The following ADAMTSL3 variants were observed in gnomAD, a reference collection of about 807,000 sequenced individuals.
ADAMTSL3 encodes ADAMTS-like protein 3.
A neutral mutation model predicts 201.7 loss-of-function variants in ADAMTSL3; 128 were observed. The observed-to-expected ratio is 0.63, with a 90% CI of 0.55 to 0.73. The LOEUF is 0.73. ADAMTSL3 is among the 30% of genes least tolerant of loss of function. The pLI is 0.00. For synonymous variants in ADAMTSL3, 738 were observed against 748.4 expected, an observed-to-expected ratio of 0.99 and a Z score of 0.23; for missense variants, 1,990 against 2,119.6, an observed-to-expected ratio of 0.94 and a Z score of 1.20.
intron 17 of ADAMTSL3, among the ~76,000 whole-genome samples, chr15:83,926,318 C>T (rs1488920923): frequency 2.0e-5 from 3 of 152,098 alleles, no homozygotes; most frequent in Non-Finnish European, 4.4e-5. Context: ...TAGGAATGGG[C>T]AAGGGCCACG....
chr15:84,004,447 T>C (rs1163515223), intron 23 of ADAMTSL3, among the ~76,000 whole-genome samples: 1 of 152,130 alleles, frequency 6.6e-6, no homozygotes, highest in Non-Finnish European at 1.5e-5. Flanking sequence ...AATGAGAGAC[T>C]CTTCCTCAGG....
chr15:83,824,080 G>T (rs1042550888), intron 6 of ADAMTSL3, among the ~76,000 whole-genome samples: 2 of 144,222 alleles, frequency 1.4e-5, no homozygotes, highest in East Asian at 4.1e-4. Flanking sequence ...GGTCTCATCT[G>T]TCACCCAGGT....
At chr15:83,971,687 G>C (rs901718908) in intron 20 of ADAMTSL3, among the ~76,000 whole-genome samples, 1 of 151,376 alleles carries the variant, frequency 6.6e-6, no homozygotes. Flanking sequence ...AGGAGGTTGG[G>C]AAGGGAGGTA....
intron 15 of ADAMTSL3, among the ~76,000 whole-genome samples, chr15:83,910,883 G>T (rs1346455417): frequency 6.7e-6 from 1 of 149,554 alleles, no homozygotes; most frequent in Non-Finnish European, 1.5e-5. Flanking sequence ...CAGGTGATTC[G>T]CCCGCCTCAG....
chr15:83,846,351 G>T (rs761125354), intron 7 of ADAMTSL3, among the ~76,000 whole-genome samples: 12 of 152,202 alleles, frequency 7.9e-5, no homozygotes, highest in Non-Finnish European at 1.5e-4. Context: ...CTTGGTCAAG[G>T]TCTCACAACT....
intron 4 of ADAMTSL3, among the ~76,000 whole-genome samples, chr15:83,785,848 CT>C (rs1729180968): frequency 6.6e-6 from 1 of 150,778 alleles, no homozygotes; most frequent in African/African-American, 2.4e-5. Context: ...GTCATATGAA[CT>C]TTTTTTCTTT....
At chr15:83,683,628 G>A (rs962320705) in intron 2 of ADAMTSL3, among the ~76,000 whole-genome samples, 5 of 152,134 alleles carry the variant, frequency 3.3e-5, no homozygotes, top group Non-Finnish European at 7.3e-5. Context: ...AGAAGTCCAC[G>A]TCAAATTGAG....
At chr15:83,875,113 A>G (rs1384630146) in intron 9 of ADAMTSL3, among the ~76,000 whole-genome samples, 1 of 152,218 alleles carries the variant, frequency 6.6e-6, no homozygotes, top group Admixed American at 6.5e-5. Flanking sequence ...AATGCCTGTG[A>G]GAAAAAAGAG....
intron 19 of ADAMTSL3, among the ~76,000 whole-genome samples, chr15:83,968,359 G>C (rs140902723): frequency 2.0e-3 from 299 of 152,314 alleles, no homozygotes; most frequent in Admixed American, 3.4e-3. Flanking sequence ...CAAAAAGTGG[G>C]TGAAGGATAT....
chr15:83,801,639 T>TATATATATAAATATAAATATAA (rs1237756327), intron 4 of ADAMTSL3, among the ~76,000 whole-genome samples: 2 of 29,986 alleles, frequency 6.7e-5, no homozygotes, highest in African/African-American at 3.0e-4. Context: ...TATATATAAA[T>TATATATATAAATATAAATATAA]ATATAAATAT....
At chr15:84,026,434 A>G (rs1461512183) in intron 27 of ADAMTSL3, among the ~76,000 whole-genome samples, 1 of 152,214 alleles carries the variant, frequency 6.6e-6, no homozygotes, top group East Asian at 1.9e-4. Flanking sequence ...GTTTCTTTGC[A>G]GACATTGACA....
At chr15:83,670,328 G>A (rs1343898990) in intron 2 of ADAMTSL3, among the ~76,000 whole-genome samples, 5 of 147,328 alleles carry the variant, frequency 3.4e-5, no homozygotes, top group Non-Finnish European at 3.0e-5. Flanking sequence ...AAGAAGCTTT[G>A]ATTCTTTATT....
Position 83,942,696 on chromosome 15 carries a change from C to A in ADAMTSL3, c.2218C>A (p.Pro740Thr). The A allele has an allele frequency of 6.2e-7, 1 of 1,614,136 alleles. No individual in the cohort carries two copies. Among genetic ancestry groups the A allele is most frequent in the Non-Finnish European group, 8.5e-7 (1 of 1,180,006 alleles). The change falls in exon 18 of 30, where the codon CCT becomes ACT. Residue 740 changes from proline (P) to threonine (T), a missense_variant. Physicochemically the swap from Pro to Thr is conservative, Grantham distance 38. Transcript: ENST00000286744. ...GCACCCAGGGGAGACCCCTGCCCCT[C>A]CTGAGGAGTGCCGAGATGAAAAGCC... Reference protein sequence around the residue: ...CLHPGETPAPPEECRDEKPHA... With the variant: ...CLHPGETPAPTEECRDEKPHA...
In ADAMTSL3 at chr15:83,655,214, A is replaced by ACC. The variant is rs564223729; in HGVS notation, c.-33-514_-33-513dup. The stretch of plus-strand genomic sequence containing the variant: ...GCGTCTCTCTGGGTGTGGGTCCCGG[A>ACC]CCTCGAGGGCGCACGGTGTCATCTA... On this transcript the variant is annotated intron_variant, in intron 1 of 29. Coordinates refer to ENST00000286744, the MANE Select transcript of ADAMTSL3 (RefSeq NM_207517.3). Among the ~76,000 whole-genome samples, 24 of 152,108 alleles carry ACC rather than the reference A, an allele frequency of 1.6e-4. No homozygotes were observed. In the East Asian group the frequency reaches 4.7e-3, roughly 30 times the overall value.
Position 83,924,033 on chromosome 15 carries a change from G to C in ADAMTSL3, c.2117G>C (p.Arg706Thr). 6.2e-7 allele frequency: 1 copy of C among 1,613,992 alleles called. No individual in the cohort carries two copies. The change falls in exon 17 of 30, where the codon AGG (arginine) becomes ACG (threonine). Residue 706 changes from arginine (R) to threonine (T), a missense_variant and splice_region_variant. Coordinates refer to ENST00000286744, the MANE Select transcript of ADAMTSL3 (RefSeq NM_207517.3). ...QACNTEPCPPRWHVGSWGPCS... is the reference protein window; with the variant it reads ...QACNTEPCPPTWHVGSWGPCS... ...TGTAACACAGAGCCCTGTCCCCCCA[G>C]GTATGTGCTGTCTTGTGTTCCTGGT...
intron 3 of ADAMTSL3, among the ~76,000 whole-genome samples, chr15:83,766,558 C>T (rs959242980): frequency 1.3e-5 from 2 of 152,046 alleles, no homozygotes; most frequent in African/African-American, 4.8e-5. Context: ...TGTATTTGAT[C>T]CAAGAGGCGA....
intron 10 of ADAMTSL3, among the ~76,000 whole-genome samples, chr15:83,889,355 TG>T (rs1362627103): frequency 6.6e-6 from 1 of 152,164 alleles, no homozygotes; most frequent in Non-Finnish European, 1.5e-5. Flanking sequence ...AGGAGTAAAA[TG>T]CGGTACTGTG....
At chr15:83,887,884 C>A (rs1389733368) in intron 10 of ADAMTSL3, among the ~76,000 whole-genome samples, 1 of 152,230 alleles carries the variant, frequency 6.6e-6, no homozygotes, top group Non-Finnish European at 1.5e-5. Context: ...TGCCACCATG[C>A]TTGGCTCAAA....
intron 9 of ADAMTSL3, among the ~76,000 whole-genome samples, chr15:83,881,989 T>TA (rs575337173): frequency 1.1e-4 from 16 of 151,468 alleles, no homozygotes; most frequent in African/African-American, 1.9e-4. Context: ...CTATCTCTAC[T>TA]AAAAAAAATA....
Sources: allele counts gnomAD v4.1 joint callset (sites outside exome capture counted in the v4.1 genomes callset), GRCh38; gene constraint gnomAD v4.1.1; transcripts MANE v1.5; gene names NCBI Gene and HGNC (gene_info 2026-07-23, HGNC 2026-07-21).